CHRNB3: variants seen among roughly 807,000 people sequenced by gnomAD.
CHRNB3 encodes cholinergic receptor nicotinic beta 3 subunit.
Under a neutral mutation model 40.6 loss-of-function variants are expected in CHRNB3, and 37 were observed. The observed-to-expected ratio is 0.91, with a 90% CI of 0.70 to 1.20. The LOEUF (loss-of-function observed/expected upper bound fraction) is 1.20. CHRNB3 is among the 50% of genes most tolerant of loss of function. CHRNB3 has a pLI of 0.00. For missense variants in CHRNB3, 505 were observed against 551.2 expected, an observed-to-expected ratio of 0.92 and a Z score of 0.84; for synonymous variants, 207 against 207.1, an observed-to-expected ratio of 1.00 and a Z score of 0.00.
At chr8:42,733,592 CTTTTT>C (rs1208342996) in intron 5 of CHRNB3, among the ~76,000 whole-genome samples, 11 of 101,044 alleles carry the variant, frequency 1.1e-4, no homozygotes, top group African/African-American at 4.3e-4. Context: ...CATCCTTCTT[CTTTTT>C]TTTTTTTTTT....
At chr8:42,711,990 T>A (rs1011006594) in intron 3 of CHRNB3, among the ~76,000 whole-genome samples, 7 of 151,942 alleles carry the variant, frequency 4.6e-5, no homozygotes, top group Non-Finnish European at 7.4e-5. Flanking sequence ...TGTTTGTTTG[T>A]TTTTCTTTTT....
intron 1 of CHRNB3, among the ~76,000 whole-genome samples, chr8:42,703,624 A>G (rs1815865780): frequency 6.6e-6 from 1 of 151,926 alleles, no homozygotes; most frequent in Non-Finnish European, 1.5e-5. Context: ...TCCATAATAC[A>G]AAGACCACTT....
chr8:42,720,111 C>CTTTTTTTTTTTTTTTTTTTTTTTTT (rs869178430), intron 3 of CHRNB3, among the ~76,000 whole-genome samples: 1 of 48,746 alleles, frequency 2.1e-5, no homozygotes, highest in African/African-American at 8.9e-5. Context: ...CAGAAGCCTT[C>CTTTTTTTTTTTTTTTTTTTTTTTTT]TTTTTTTTTT....
Position 42,736,397 on chromosome 8 carries a change from G to C in CHRNB3, c.1243-87G>C, listed in dbSNP as rs1816523364. ...AAACTTAAGTAAATGCTATAAATCT[G>C]AATGTTACTCTTTTTTAATCCCTTG... is the stretch of plus-strand genomic sequence containing the variant. On this transcript the variant is annotated intron_variant, in intron 5 of 5. Transcript: ENST00000289957. The C allele has an allele frequency of 2.0e-6, 3 of 1,478,222 alleles. No individual in the cohort carries two copies. In the East Asian group the frequency reaches 6.8e-5, roughly 34 times the overall value. 91.6% of individuals were successfully genotyped at this position (1,478,222 alleles called of 1,614,324 possible).
At chr8:42,715,727 T>A (rs893978554) in intron 3 of CHRNB3, among the ~76,000 whole-genome samples, 4 of 152,112 alleles carry the variant, frequency 2.6e-5, no homozygotes, top group Admixed American at 2.6e-4. Flanking sequence ...TCTAGTGACA[T>A]CCAGAGGAAG....
intron 1 of CHRNB3, among the ~76,000 whole-genome samples, chr8:42,700,010 ATTTCT>A (rs901079312): frequency 1.3e-5 from 2 of 149,982 alleles, no homozygotes; most frequent in Admixed American, 6.6e-5. Flanking sequence ...TTCTTCAATA[ATTTCT>A]TTTCTTTTTT....
chr8:42,724,842 C>T (rs1383888431), intron 3 of CHRNB3, among the ~76,000 whole-genome samples: 1 of 151,914 alleles, frequency 6.6e-6, no homozygotes, highest in Non-Finnish European at 1.5e-5. Flanking sequence ...ATTAGCTGGG[C>T]ATGGTGGCAG....
intron 3 of CHRNB3, among the ~76,000 whole-genome samples, chr8:42,728,329 A>T (rs1456891508): frequency 2.6e-5 from 4 of 152,140 alleles, no homozygotes; most frequent in African/African-American, 9.7e-5. Flanking sequence ...GTTCAAGACC[A>T]GTCTGGGCAA....
chr8:42,717,328 C>G (rs1053190441), intron 3 of CHRNB3, among the ~76,000 whole-genome samples: 2 of 110,442 alleles, frequency 1.8e-5, no homozygotes, highest in South Asian at 3.5e-4. Flanking sequence ...GAGCCGAGAT[C>G]CCGCCACTGC....
At chr8:42,697,880 A>G (rs1815704342) in intron 1 of CHRNB3, among the ~76,000 whole-genome samples, 1 of 152,226 alleles carries the variant, frequency 6.6e-6, no homozygotes, top group Non-Finnish European at 1.5e-5. Flanking sequence ...CAAAAGCAGG[A>G]AAAACATTAT....
intron 3 of CHRNB3, among the ~76,000 whole-genome samples, chr8:42,719,453 C>T (rs11783289): frequency 0.76 from 116,150 of 152,062 alleles, 46,091 homozygotes; most frequent in South Asian, 0.87. Context: ...GAAACCAGCC[C>T]GATCAACATA....
chr8:42,698,999 T>C (rs1815729675), intron 1 of CHRNB3, among the ~76,000 whole-genome samples: 1 of 152,246 alleles, frequency 6.6e-6, no homozygotes, highest in Non-Finnish European at 1.5e-5. Flanking sequence ...GTGTAATCTT[T>C]CACAGATCTA....
intron 3 of CHRNB3, among the ~76,000 whole-genome samples, chr8:42,717,940 C>T (rs956222092): frequency 8.8e-5 from 13 of 148,152 alleles, no homozygotes; most frequent in Non-Finnish European, 1.9e-4. Context: ...TCAAGTGATT[C>T]TCCCACCTCA....
At chr8:42,706,921 C>T (rs746482029) in intron 1 of CHRNB3, among the ~76,000 whole-genome samples, 30 of 151,908 alleles carry the variant, frequency 2.0e-4, no homozygotes, top group Admixed American at 2.6e-4. Flanking sequence ...CCACCATGCC[C>T]GGCTAATTTT....
intron 1 of CHRNB3, among the ~76,000 whole-genome samples, chr8:42,703,456 A>ATATATATATATATATATATATATG (rs1815861605): frequency 8.1e-6 from 1 of 124,034 alleles, no homozygotes; most frequent in East Asian, 3.0e-4. Flanking sequence ...ATATATATAT[A>ATATATATATATATATATATATATG]TATATGTATC....
chr8:42,730,733 G>A, intron 4 of CHRNB3, 30 bp downstream of exon 4: 1 of 1,427,368 alleles, frequency 7.0e-7, no homozygotes, highest in Non-Finnish European at 9.7e-7. Context: ...TTACTTATGG[G>A]GAAAAAAATA....
chr8:42,704,673 C>A (rs115420109), intron 1 of CHRNB3, among the ~76,000 whole-genome samples: 385 of 151,134 alleles, frequency 2.5e-3, no homozygotes, highest in African/African-American at 9.2e-3. Context: ...GTTGTCTGAG[C>A]TAATAGGTGT....
chr8:42,711,366 GT>G (rs200171961), intron 3 of CHRNB3, among the ~76,000 whole-genome samples: 1,641 of 148,912 alleles, frequency 0.011, 33 homozygotes, highest in African/African-American at 0.039. Context: ...TTTACCAGTG[GT>G]TTTTTTTTTA....
chr8:42,722,383 A>G (rs1816233493), intron 3 of CHRNB3, among the ~76,000 whole-genome samples: 1 of 132,870 alleles, frequency 7.5e-6, no homozygotes, highest in Admixed American at 7.2e-5. Context: ...AAAAGAAAAG[A>G]AAAAAAAAAG....
Sources: gnomAD v4.1 joint callset for allele counts (sites outside exome capture counted in the v4.1 genomes callset) on GRCh38, gnomAD v4.1.1 for gene constraint, MANE v1.5 for transcripts, NCBI Gene and HGNC (gene_info 2026-07-23, HGNC 2026-07-21) for gene names.